ADCY10: variants seen among roughly 807,000 people sequenced by gnomAD.
The protein encoded by ADCY10 is adenylate cyclase type 10.
A neutral mutation model predicts 183.3 loss-of-function variants in ADCY10; 156 were observed. The ratio of observed to expected loss-of-function variants is 0.85; its 90% CI spans 0.75 to 0.97. The LOEUF (loss-of-function observed/expected upper bound fraction) is 0.97. Ranked by LOEUF, ADCY10 falls within the 50% of genes least tolerant of loss-of-function variation. The probability of loss-of-function intolerance (pLI) is 0.00; values close to 1 mark genes in which losing one functional copy is unlikely to be tolerated. For missense variants in ADCY10, 1,745 were observed against 1,934.3 expected (o/e 0.90, Z 1.84); for synonymous variants, 645 against 670.0 (o/e 0.96, Z 0.58).
At chr1:167,823,544 C>T (rs114096990) in intron 28 of ADCY10, among the ~76,000 whole-genome samples, 543 of 151,578 alleles carry the variant, frequency 3.6e-3, no homozygotes, top group Middle Eastern at 0.01. Flanking sequence ...GCTCGGGTGA[C>T]AGGTGCACTA....
Position 167,809,774 on chromosome 1 carries a change from TG to T in ADCY10, c.4736del (p.Pro1579HisfsTer7). 1 of 1,614,176 alleles carries T rather than the reference TG, an allele frequency of 6.2e-7. No homozygotes were observed. Among genetic ancestry groups the T allele is most frequent in the Non-Finnish European group, 8.5e-7 (1 of 1,180,006 alleles). On this transcript the variant is annotated frameshift_variant, in exon 33 of 33. Coordinates refer to ENST00000367851, the MANE Select transcript of ADCY10 (RefSeq NM_018417.6). LOFTEE classifies it low-confidence loss of function (END_TRUNC). Reference protein sequence around the residue: ...DQWLQTILSLPSWEKIVAGRV... With the variant: ...DQWLQTILSLXSWEKIVAGRV... ...TGCCTGCTACAATTTTTTCCCATGATGGGAGACTCAAGATCGTCTGAAGCCA... is the reference window on the plus strand; with the variant it reads ...TGCCTGCTACAATTTTTTCCCATGATGGAGACTCAAGATCGTCTGAAGCCA...
At chr1:167,859,711 T>A in intron 16 of ADCY10, 96 bp downstream of exon 16, 1 of 899,706 alleles carries the variant, frequency 1.1e-6, no homozygotes, top group Non-Finnish European at 1.9e-6. Context: ...TTCAAAAGCC[T>A]CTTGCCAATG....
intron 14 of ADCY10, among the ~76,000 whole-genome samples, chr1:167,866,961 T>C (rs988823377): frequency 2.4e-4 from 36 of 152,268 alleles, no homozygotes; most frequent in African/African-American, 8.7e-4. Flanking sequence ...AGGCAAAACC[T>C]AAACATAAAG....
intron 30 of ADCY10, chr1:167,821,063 A>C (rs958170444): frequency 6.6e-6 from 1 of 152,276 alleles, no homozygotes; most frequent in Non-Finnish European, 1.5e-5. Context: ...ATACGGTTGC[A>C]TATAATTAAG....
intron 8 of ADCY10, among the ~76,000 whole-genome samples, chr1:167,892,332 TG>T (rs1668654691): frequency 6.6e-6 from 1 of 152,248 alleles, no homozygotes; most frequent in Non-Finnish European, 1.5e-5. Context: ...TTCTGAGTTT[TG>T]GCTTGGAAAA....
chr1:167,870,785 G>A (rs1169914407), intron 13 of ADCY10, among the ~76,000 whole-genome samples: 1 of 151,478 alleles, frequency 6.6e-6, no homozygotes, highest in Middle Eastern at 3.2e-3. Context: ...CTCCAGCCTG[G>A]GCGACAAGCA....
Position 167,905,146 on chromosome 1 carries a change from AG to A in ADCY10, c.-7del. The A allele has an allele frequency of 2.5e-6, 4 of 1,614,246 alleles. No homozygotes were observed. In the South Asian group the frequency reaches 4.4e-5, roughly 18 times the overall value. ...TCTTCTTTTGGAGTGTTCATGTTCA[AG>A]ACAAATGTTCAGGATTTTATGGTGA... On this transcript the variant is annotated 5_prime_UTR_variant, in exon 2 of 33. Coordinates refer to ENST00000367851, the MANE Select transcript of ADCY10 (RefSeq NM_018417.6).
intron 16 of ADCY10, among the ~76,000 whole-genome samples, chr1:167,857,875 A>G (rs1283799141): frequency 6.6e-6 from 1 of 152,212 alleles, no homozygotes; most frequent in East Asian, 1.9e-4. Context: ...CTGCTTCAGC[A>G]CCAACTGAAA....
At position 167,838,745 on chromosome 1, in the gene ADCY10, AC is replaced by A. The variant is rs531360096; in HGVS notation, c.3008-1428del. 2.8e-4 allele frequency among the ~76,000 whole-genome samples: 42 copies of A among 152,258 alleles called. No individual in the cohort carries two copies. In the East Asian group the frequency reaches 7.5e-3, roughly 27 times the overall value. On this transcript the variant is annotated intron_variant, in intron 21 of 32. Coordinates refer to ENST00000367851, the MANE Select transcript of ADCY10 (RefSeq NM_018417.6). The stretch of plus-strand genomic sequence containing the variant: ...CTACAGACCCATATATTCAAATACC[AC>A]CTTGGCAACTGCCATTTGAATGTGT...
At chr1:167,831,904 A>G (rs905861762) in intron 25 of ADCY10, among the ~76,000 whole-genome samples, 1 of 152,180 alleles carries the variant, frequency 6.6e-6, no homozygotes, top group South Asian at 2.1e-4. Flanking sequence ...CTGCCTTCTC[A>G]GAGAGATCTC....
At chr1:167,815,033 G>A (rs1036071582) in intron 31 of ADCY10, among the ~76,000 whole-genome samples, 3 of 152,068 alleles carry the variant, frequency 2.0e-5, no homozygotes, top group Non-Finnish European at 4.4e-5. Flanking sequence ...GCTGAGGCAC[G>A]AGAATCACTT....
intron 13 of ADCY10, among the ~76,000 whole-genome samples, chr1:167,873,769 C>T (rs1441562718): frequency 3.3e-5 from 5 of 152,054 alleles, no homozygotes; most frequent in African/African-American, 1.2e-4. Context: ...AGAAAAATAT[C>T]TCCATGATTT....
At chr1:167,840,374 TTGGATGG>T (rs1355666097) in intron 21 of ADCY10, among the ~76,000 whole-genome samples, 2 of 151,824 alleles carry the variant, frequency 1.3e-5, no homozygotes, top group Admixed American at 1.3e-4. Context: ...ACTATTTTTT[TTGGATGG>T]AGTTTCACTC....
intron 23 of ADCY10, 73 bp from the exon 24 acceptor site, chr1:167,834,150 G>T: frequency 8.9e-7 from 1 of 1,117,522 alleles, no homozygotes; most frequent in Non-Finnish European, 1.4e-6. Context: ...CATTGCCCCA[G>T]ACTCTACTGA....
chr1:167,829,755 A>T lies in ADCY10; in HGVS notation c.3594-332T>A, dbSNP rs555656768. The stretch of plus-strand genomic sequence containing the variant: ...TTGATTCTGATGACAATCCTGTAAG[A>T]AAAGAGTGGAATAACTGACTCCATT... On this transcript the variant is annotated intron_variant, in intron 25 of 32. Transcript: ENST00000367851. Among the ~76,000 whole-genome samples the T allele has an allele frequency of 5.4e-4, 82 of 152,346 alleles. 2 individuals carry two copies. Among genetic ancestry groups the T allele is most frequent in the South Asian group, 5.2e-3 (25 of 4,824 alleles).
Position 167,905,041 on chromosome 1 carries a change from G to A in ADCY10, c.100C>T (p.Pro34Ser), listed in dbSNP as rs770546594. Residue 34 changes from proline (P) to serine (S), a missense_variant, in exon 2 of 33, where the codon CCC becomes TCC. Pro to Ser is a moderately conservative substitution (Grantham distance 74, BLOSUM62 -1). Coordinates refer to ENST00000367851, the MANE Select transcript of ADCY10 (RefSeq NM_018417.6). ...ACTCCGTCAAAATAATCCATAAAGG[G>A]TCGCTCTGGGGAGAAATGTCCATAG... is the stretch of plus-strand genomic sequence containing the variant. ...IVYGHFSPER[P>S]FMDYFDGVLM... 9.9e-6 allele frequency: 16 copies of A among 1,614,200 alleles called. No homozygotes were observed. Among genetic ancestry groups the A allele is most frequent in the Non-Finnish European group, 1.3e-5 (15 of 1,180,042 alleles).
Position 167,901,943 on chromosome 1 carries a change from T to C in ADCY10, c.292+73A>G, listed in dbSNP as rs1669457596. The stretch of plus-strand genomic sequence containing the variant: ...CACTCCCTTCTCTAGGATGCCTCCT[T>C]TGTCCCCAACACAGAAGCACAGGCA... On this transcript the variant is annotated intron_variant, in intron 4 of 32. Transcript: ENST00000367851. 6 of 1,607,826 alleles carry C rather than the reference T, an allele frequency of 3.7e-6. No individual in the cohort carries two copies. In the South Asian group the frequency reaches 5.5e-5, roughly 15 times the overall value.
At position 167,861,048 on chromosome 1, in the gene ADCY10, T is replaced by C; in HGVS notation, c.1632A>G (p.Ser544=). The part of the protein sequence containing the change: ...QGKNHRIIAI[S]LNKISFHQTF... ...TTTGATGGAAGCTGATCTTATTCAA[T>C]GAAATGGCAATAATCCTGTTTGTGA... Residue 544 remains serine (S), a synonymous_variant, in exon 15 of 33, where the codon TCA becomes TCG. Coordinates refer to ENST00000367851, the MANE Select transcript of ADCY10 (RefSeq NM_018417.6). 6.2e-7 allele frequency: 1 copy of C among 1,614,036 alleles called. No individual in the cohort carries two copies. Among genetic ancestry groups the C allele is most frequent in the Non-Finnish European group, 8.5e-7 (1 of 1,179,930 alleles).
chr1:167,904,944 G>T lies in ADCY10; in HGVS notation c.148+49C>A, dbSNP rs1193543502. The T allele has an allele frequency of 6.2e-6, 10 of 1,613,392 alleles. No homozygotes were observed. The East Asian group carries it at 2.2e-4, about 36-fold the overall frequency. ...TCAAGCTCTGCATGTGAATTCCCAC[G>T]CGAGCCTGTTGCTCATCCACATTAA... On this transcript the variant is annotated intron_variant, in intron 2 of 32. Coordinates refer to ENST00000367851, the MANE Select transcript of ADCY10 (RefSeq NM_018417.6).
Sources: gnomAD v4.1 joint callset for allele counts (sites outside exome capture counted in the v4.1 genomes callset) on GRCh38, gnomAD v4.1.1 for gene constraint, MANE v1.5 for transcripts, NCBI Gene and HGNC (gene_info 2026-07-23, HGNC 2026-07-21) for gene names.